The following NTM variants were observed in gnomAD, a reference collection of about 807,000 sequenced individuals.
NTM encodes the protein IgLON family member 2.
Under a neutral mutation model 42.1 loss-of-function variants are expected in NTM, and 13 were observed. That is an observed-to-expected ratio of 0.31 (90% CI 0.20 to 0.49). NTM has a LOEUF of 0.49. Among genes scored for constraint, NTM ranks in the 20% least tolerant of loss-of-function variants. The probability of loss-of-function intolerance (pLI) is 0.99; values close to 1 mark genes in which losing one functional copy is unlikely to be tolerated. For synonymous variants in NTM, 187 were observed against 179.2 expected (o/e 1.04, Z -0.35); for missense variants, 373 against 452.8 (o/e 0.82, Z 1.60).
intron 1 of NTM, among the ~76,000 whole-genome samples, chr11:131,412,769 G>A (rs2135765056): frequency 6.6e-6 from 1 of 151,798 alleles, no homozygotes; most frequent in East Asian, 1.9e-4. Context: ...GTACTCTAAA[G>A]CAATTCTCAG....
intron 3 of NTM, among the ~76,000 whole-genome samples, chr11:132,207,879 C>A (rs185911541): frequency 1.1e-4 from 16 of 152,292 alleles, no homozygotes; most frequent in African/African-American, 3.4e-4. Flanking sequence ...CTCCATAACA[C>A]GTGATTCACC....
At chr11:131,541,979 A>G (rs1333441317) in intron 1 of NTM, among the ~76,000 whole-genome samples, 1 of 152,170 alleles carries the variant, frequency 6.6e-6, no homozygotes, top group Non-Finnish European at 1.5e-5. Context: ...GAACATCAGT[A>G]TATGTGTAAT....
intron 2 of NTM, among the ~76,000 whole-genome samples, chr11:131,929,324 G>GT (rs1555180711): frequency 7.1e-6 from 1 of 141,070 alleles, no homozygotes; most frequent in Non-Finnish European, 1.6e-5. Flanking sequence ...CTGAACCAAC[G>GT]GGGGGGCACA....
At chr11:131,380,716 G>T (rs181357949) in intron 1 of NTM, among the ~76,000 whole-genome samples, 2 of 152,116 alleles carry the variant, frequency 1.3e-5, no homozygotes, top group African/African-American at 4.8e-5. Context: ...GTGACACTCA[G>T]TGTTTATGGA....
chr11:132,308,751 G>C (rs1422723850), intron 5 of NTM, among the ~76,000 whole-genome samples: 1 of 152,154 alleles, frequency 6.6e-6, no homozygotes, highest in Non-Finnish European at 1.5e-5. Flanking sequence ...AGCGGTTTAA[G>C]AAGCAAGGCA....
At chr11:132,242,586 C>T (rs371898310) in intron 4 of NTM, among the ~76,000 whole-genome samples, 11 of 152,216 alleles carry the variant, frequency 7.2e-5, no homozygotes, top group Non-Finnish European at 5.9e-5. Flanking sequence ...CTTAGGCCTG[C>T]GCAGCCTGGG....
chr11:131,549,998 A>G (rs996031007), intron 1 of NTM, among the ~76,000 whole-genome samples: 4 of 152,188 alleles, frequency 2.6e-5, no homozygotes, highest in Admixed American at 2.0e-4. Context: ...CTCAGGCACA[A>G]ACACTCAGTG....
chr11:132,043,061 A>G (rs972340488), intron 2 of NTM, among the ~76,000 whole-genome samples: 1 of 152,208 alleles, frequency 6.6e-6, no homozygotes, highest in African/African-American at 2.4e-5. Context: ...AGGCAGGGGC[A>G]GTTCTTATGA....
intron 4 of NTM, among the ~76,000 whole-genome samples, chr11:132,300,504 T>C (rs1337383535): frequency 9.9e-5 from 15 of 152,196 alleles, no homozygotes; most frequent in Admixed American, 8.5e-4. Flanking sequence ...GGGGAAGTGG[T>C]GCTTACAGCT....
intron 1 of NTM, among the ~76,000 whole-genome samples, chr11:131,617,298 T>C (rs766326769): frequency 1.3e-5 from 2 of 152,106 alleles, no homozygotes; most frequent in Non-Finnish European, 2.9e-5. Context: ...ACAGGGAAAC[T>C]GAGTACACTT....
chr11:131,899,718 A>G (rs1422850921), intron 1 of NTM, among the ~76,000 whole-genome samples: 1 of 152,202 alleles, frequency 6.6e-6, no homozygotes, highest in South Asian at 2.1e-4. Context: ...TTTTGTCTGT[A>G]TAAGTTTTAT....
chr11:131,993,838 C>T (rs1256633479), intron 2 of NTM, among the ~76,000 whole-genome samples: 2 of 151,750 alleles, frequency 1.3e-5, no homozygotes, highest in African/African-American at 4.8e-5. Context: ...CCCATCTCTA[C>T]TAAAAATACA....
intron 4 of NTM, among the ~76,000 whole-genome samples, chr11:132,278,743 TTCTCTCTCTCTCTCTCTCTCTC>T (rs66748602): frequency 1.0e-4 from 14 of 138,076 alleles, no homozygotes; most frequent in South Asian, 1.0e-3. Context: ...TCATTTGGGC[TTCTCTCTCTCTCTCTCTCTCTC>T]TCTCTCTCTC....
chr11:131,663,468 T>A (rs923551986), intron 1 of NTM: 2 of 152,458 alleles, frequency 1.3e-5, no homozygotes, highest in African/African-American at 4.8e-5. Flanking sequence ...TCTCTGCCTC[T>A]GGTCCTGAGG....
intron 1 of NTM, among the ~76,000 whole-genome samples, chr11:131,507,573 G>A (rs1591867945): frequency 1.3e-5 from 2 of 151,496 alleles, no homozygotes; most frequent in Admixed American, 6.6e-5. Flanking sequence ...CTTTAAAGTA[G>A]TTTTTTCCAA....
chr11:131,860,016 A>G (rs1165781039), intron 1 of NTM, among the ~76,000 whole-genome samples: 1 of 152,094 alleles, frequency 6.6e-6, no homozygotes, highest in Non-Finnish European at 1.5e-5. Context: ...AGTAACTCTG[A>G]TATCTATTAG....
At chr11:131,459,991 G>A (rs7128511) in intron 1 of NTM, among the ~76,000 whole-genome samples, 9,238 of 152,140 alleles carry the variant, frequency 0.061, 653 homozygotes, top group East Asian at 0.21. Flanking sequence ...ATAAGGCTCC[G>A]TGGCAGAACT....
At chr11:131,631,485 GA>G (rs2063653108) in intron 1 of NTM, among the ~76,000 whole-genome samples, 1 of 152,042 alleles carries the variant, frequency 6.6e-6, no homozygotes, top group Non-Finnish European at 1.5e-5. Context: ...TAAAAAAAAT[GA>G]AAGCCACTAA....
intron 1 of NTM, among the ~76,000 whole-genome samples, chr11:131,465,616 C>G (rs969284376): frequency 6.6e-6 from 1 of 152,178 alleles, no homozygotes; most frequent in African/African-American, 2.4e-5. Context: ...TATCCTGCGA[C>G]CTGTGATTTT....
Sources: allele counts gnomAD v4.1 joint callset (sites outside exome capture counted in the v4.1 genomes callset), GRCh38; gene constraint gnomAD v4.1.1; transcripts MANE v1.5; gene names NCBI Gene and HGNC (gene_info 2026-07-23, HGNC 2026-07-21).